Variants in MRPS25 observed in about 807,000 individuals in gnomAD.
MRPS25 encodes small ribosomal subunit protein mS25.
In MRPS25, 15 loss-of-function variants were observed where a neutral mutation model predicts 17.3. The observed-to-expected ratio is 0.87, with a 90% CI of 0.58 to 1.34. MRPS25 has a LOEUF of 1.34. Among genes scored for constraint, MRPS25 ranks in the 40% most tolerant of loss-of-function variants. The pLI, the probability that MRPS25 is intolerant of heterozygous loss-of-function variation, is 0.00. For synonymous variants in MRPS25, 94 were observed against 83.3 expected, an observed-to-expected ratio of 1.13 and a Z score of -0.70; for missense variants, 225 against 218.6, an observed-to-expected ratio of 1.03 and a Z score of -0.19.
Position 15,065,256 on chromosome 3 carries a change from T to G in MRPS25, c.-62A>C, listed in dbSNP as rs1408674835. On this transcript the variant is annotated 5_prime_UTR_variant, in exon 1 of 4. Transcript: ENST00000253686. ...GAGCCGAGCAGCGACGAGAAAGGAC[T>G]AGCTAGCACCCGCGCGGATCTCACG... The G allele has an allele frequency of 1.3e-6, 2 of 1,494,652 alleles. No homozygotes were observed. The highest frequency in any genetic ancestry group is 1.4e-5 in the African/African-American group (1 of 71,264). 92.6% of individuals were successfully genotyped at this position (1,494,652 alleles called of 1,614,324 possible).
At chr3:15,059,585 G>A in intron 1 of MRPS25, 110 bp from the exon 2 acceptor site, 2 of 769,952 alleles carry the variant, frequency 2.6e-6, no homozygotes, top group Non-Finnish European at 4.3e-6. Flanking sequence ...ATTCTCAGAG[G>A]ACCCAAAAAG....
At chr3:15,061,811 G>C (rs1228052504) in intron 1 of MRPS25, among the ~76,000 whole-genome samples, 16 of 151,592 alleles carry the variant, frequency 1.1e-4, no homozygotes, top group African/African-American at 3.1e-4. Context: ...TGTGAGGAGC[G>C]CCTCTGCCCG....
At chr3:15,043,025 G>C (rs1011387389), downstream of MRPS25, 8 of 1,608,750 alleles carry the variant, frequency 5.0e-6, 1 homozygote, top group Admixed American at 1.7e-5. Flanking sequence ...CCACACACCT[G>C]CCAAGGAGCA....
In MRPS25 at chr3:15,051,486, C is replaced by T; in HGVS notation, c.*955G>A. On this transcript the variant is annotated 3_prime_UTR_variant, in exon 4 of 4. Coordinates refer to ENST00000253686, the MANE Select transcript of MRPS25 (RefSeq NM_022497.5). ...GCATGAGCCACCACACCCAGCCTAG[C>T]TAAACCTATTCTTAAGGTGACCCTA... 1.0e-6 allele frequency: 1 copy of T among 985,420 alleles called. No homozygotes were observed. The allele number at this position is 985,420 out of a possible 1,614,324, so 61.0% of individuals were successfully genotyped here.
intron 1 of MRPS25, among the ~76,000 whole-genome samples, chr3:15,064,780 C>G (rs1025086748): frequency 6.6e-6 from 1 of 152,264 alleles, no homozygotes; most frequent in Non-Finnish European, 1.5e-5. Context: ...AACTGGTGGC[C>G]TCCCTCGGGT....
At chr3:15,063,816 C>A (rs776510414) in intron 1 of MRPS25, among the ~76,000 whole-genome samples, 3 of 152,102 alleles carry the variant, frequency 2.0e-5, no homozygotes, top group Non-Finnish European at 2.9e-5. Flanking sequence ...CAGCTCGCTG[C>A]GGGCCGCACC....
chr3:15,044,900 T>C (rs761649188), downstream of MRPS25: 2 of 152,280 alleles, frequency 1.3e-5, no homozygotes, highest in African/African-American at 2.4e-5. Context: ...TGTTTCCAAC[T>C]TCTAAATTCT....
At chr3:15,064,135 C>A (rs1227523091) in intron 1 of MRPS25, among the ~76,000 whole-genome samples, 6 of 152,154 alleles carry the variant, frequency 3.9e-5, no homozygotes, top group Non-Finnish European at 7.3e-5. Flanking sequence ...TCATTTTGAT[C>A]CAACATACAC....
rs930309902 is a variant in MRPS25, at chr3:15,050,625, C to T, written c.*1816G>A. The T allele has an allele frequency of 4.7e-5, 46 of 985,352 alleles. No individual in the cohort carries two copies. The African/African-American group carries it at 7.5e-4, about 16-fold the overall frequency. 61.0% of individuals were successfully genotyped at this position (985,352 alleles called of 1,614,324 possible). ...ACTGAAACCAGCAGACATGGGAGGG[C>T]TCTCTGTGGAGGAGAGCTTTTTCCA... is the stretch of plus-strand genomic sequence containing the variant. On this transcript the variant is annotated 3_prime_UTR_variant, in exon 4 of 4. Transcript: ENST00000253686.
chr3:15,043,887 A>G (rs1264935897), downstream of MRPS25: 2 of 152,246 alleles, frequency 1.3e-5, no homozygotes, highest in Non-Finnish European at 2.9e-5. Context: ...CCAGCAAGTG[A>G]AAACATCCCC....
intron 2 of MRPS25, among the ~76,000 whole-genome samples, chr3:15,058,757 G>C (rs1316986517): frequency 6.6e-6 from 1 of 152,074 alleles, no homozygotes; most frequent in Admixed American, 6.6e-5. Flanking sequence ...TTTTAAAATG[G>C]GTCTGTTACT....
rs376491027 is a variant in MRPS25 at position 15,052,455 on chromosome 3, C to T, written c.508G>A (p.Asp170Asn). 32 of 1,613,448 alleles carry T rather than the reference C, an allele frequency of 2.0e-5. No homozygotes were observed. Among genetic ancestry groups the T allele is most frequent in the Admixed American group, 5.0e-5 (3 of 59,992 alleles). Residue 170 changes from aspartate to asparagine, a missense_variant, in exon 4 of 4, where the codon GAT (aspartate) becomes AAT (asparagine). Asp to Asn is a conservative substitution (Grantham distance 23). Coordinates refer to ENST00000253686, the MANE Select transcript of MRPS25 (RefSeq NM_022497.5). ...RGKYKAALKA[D>N]AQD is the part of the protein sequence containing the mutation. ...GACCGTGGGCCTTAGTCCTGGGCAT[C>T]GGCTTTCAGAGCGGCTTTGTACTTC...
rs1445203928 is a variant in MRPS25, at chr3:15,065,293, C to G, written c.-99G>C. 1 of 1,425,590 alleles carries G rather than the reference C, an allele frequency of 7.0e-7. No homozygotes were observed. Among genetic ancestry groups the G allele is most frequent in the Admixed American group, 2.8e-5 (1 of 36,334 alleles). 88.3% of individuals were successfully genotyped at this position (1,425,590 alleles called of 1,614,324 possible). Reference sequence around the variant, plus strand: ...GCGCGGATCTCACGCGGCTTCTCCCCAGAGCCAGGTTCCACTTCCCGCGCA... The same window carrying G: ...GCGCGGATCTCACGCGGCTTCTCCCGAGAGCCAGGTTCCACTTCCCGCGCA... On this transcript the variant is annotated 5_prime_UTR_variant, in exon 1 of 4. Coordinates refer to ENST00000253686, the MANE Select transcript of MRPS25 (RefSeq NM_022497.5).
intron 2 of MRPS25, among the ~76,000 whole-genome samples, chr3:15,057,308 C>T (rs2042685519): frequency 6.6e-6 from 1 of 152,228 alleles, no homozygotes; most frequent in African/African-American, 2.4e-5. Context: ...GCCCGGCCTC[C>T]TCACTCTCCT....
At chr3:15,058,852 A>T (rs1424968007) in intron 2 of MRPS25, among the ~76,000 whole-genome samples, 1 of 152,068 alleles carries the variant, frequency 6.6e-6, no homozygotes, top group East Asian at 1.9e-4. Context: ...AATGGAATAA[A>T]CATCACTTAG....
chr3:15,055,769 G>A (rs2042662935), intron 2 of MRPS25, among the ~76,000 whole-genome samples: 1 of 152,066 alleles, frequency 6.6e-6, no homozygotes. Flanking sequence ...AATCAAAATT[G>A]AAATTTCTGC....
rs1293363074 is a variant in MRPS25 at position 15,049,164 on chromosome 3, A to G, written c.*3277T>C. The G allele has an allele frequency of 6.6e-6, 1 of 152,634 alleles. No homozygotes were observed. Among genetic ancestry groups the G allele is most frequent in the East Asian group, 1.9e-4 (1 of 5,198 alleles). 9.5% of individuals were successfully genotyped at this position (152,634 alleles called of 1,614,324 possible). A position where few individuals can be genotyped will look rare whatever the true frequency, so the allele number is the denominator to read the frequency against. On this transcript the variant is annotated 3_prime_UTR_variant, in exon 4 of 4. Transcript: ENST00000253686. ...TGTATATAGAGTATTGCAGTGCATG[A>G]ATTAGCTTTATGCATTTTATTAAAT... is the stretch of plus-strand genomic sequence containing the variant.
intron 1 of MRPS25, among the ~76,000 whole-genome samples, chr3:15,063,014 C>G (rs1370304874): frequency 1.3e-5 from 2 of 151,696 alleles, no homozygotes; most frequent in Non-Finnish European, 1.5e-5. Flanking sequence ...TGCCAAATCC[C>G]CCTCTGCGAG....
Position 15,051,505 on chromosome 3 carries a change from G to A in MRPS25, c.*936C>T, listed in dbSNP as rs188865337. 6.3e-5 allele frequency: 62 copies of A among 985,380 alleles called. No individual in the cohort carries two copies. In the African/African-American group the frequency reaches 1.0e-3, roughly 17 times the overall value. 61.0% of individuals were successfully genotyped at this position (985,380 alleles called of 1,614,324 possible). A position where few individuals can be genotyped will look rare whatever the true frequency, so the allele number is the denominator to read the frequency against. ...GCCTAGCTAAACCTATTCTTAAGGTGACCCTAGAAGGCTCTGCTGTCTTCT... is the reference window on the plus strand; with the variant it reads ...GCCTAGCTAAACCTATTCTTAAGGTAACCCTAGAAGGCTCTGCTGTCTTCT... On this transcript the variant is annotated 3_prime_UTR_variant, in exon 4 of 4. Coordinates refer to ENST00000253686, the MANE Select transcript of MRPS25 (RefSeq NM_022497.5).
Sources: allele counts gnomAD v4.1 joint callset (sites outside exome capture counted in the v4.1 genomes callset), GRCh38; gene constraint gnomAD v4.1.1; transcripts MANE v1.5; gene names NCBI Gene and HGNC (gene_info 2026-07-23, HGNC 2026-07-21).